RAB23: variants seen among roughly 807,000 people sequenced by gnomAD.
The protein encoded by RAB23 is ras-related protein Rab-23.
A neutral mutation model predicts 30.0 loss-of-function variants in RAB23; 15 were observed. The observed-to-expected ratio is 0.50, with a 90% CI of 0.33 to 0.77. RAB23 has a LOEUF of 0.77. RAB23 is among the 30% of genes least tolerant of loss of function. The pLI is 0.02. For missense variants in RAB23, 243 were observed against 275.4 expected (o/e 0.88, Z 0.83); for synonymous variants, 93 against 94.0 (o/e 0.99, Z 0.06).
At chr6:57,206,625 G>A (rs1197297304) in intron 3 of RAB23, among the ~76,000 whole-genome samples, 1 of 152,082 alleles carries the variant, frequency 6.6e-6, no homozygotes, top group Admixed American at 6.6e-5. Flanking sequence ...GGTTTTGGAA[G>A]GAGAAAAGAG....
chr6:57,212,698 A>T (rs1343964020), intron 1 of RAB23, among the ~76,000 whole-genome samples: 2 of 148,520 alleles, frequency 1.3e-5, no homozygotes, highest in Non-Finnish European at 3.0e-5. Context: ...CCTGGGCACC[A>T]TGTGAGTCCC....
At chr6:57,199,293 G>A (rs60676580) in intron 3 of RAB23, among the ~76,000 whole-genome samples, 468 of 152,318 alleles carry the variant, frequency 3.1e-3, no homozygotes, top group African/African-American at 0.011. Flanking sequence ...CCTTTGGTGG[G>A]CTCCTGAGGC....
chr6:57,200,640 C>T (rs1765220965), intron 3 of RAB23, among the ~76,000 whole-genome samples: 1 of 151,872 alleles, frequency 6.6e-6, no homozygotes, highest in Admixed American at 6.6e-5. Context: ...GTGCTATCAC[C>T]ACCTGCTTCA....
chr6:57,210,861 G>A (rs1217978460), intron 1 of RAB23, among the ~76,000 whole-genome samples: 1 of 152,176 alleles, frequency 6.6e-6, no homozygotes, highest in African/African-American at 2.4e-5. Flanking sequence ...AAAGCACTTA[G>A]CATAGTGAAA....
intron 1 of RAB23, among the ~76,000 whole-genome samples, chr6:57,219,149 A>C (rs1236835527): frequency 1.3e-5 from 2 of 152,256 alleles, no homozygotes; most frequent in Non-Finnish European, 2.9e-5. Context: ...GTCAGAGGAC[A>C]TATGTACAAC....
rs1268411514 is a variant in RAB23, at chr6:57,187,370, C to A, written c.*3091G>T. 6.6e-6 allele frequency: 1 copy of A among 152,108 alleles called. No homozygotes were observed. Among genetic ancestry groups the A allele is most frequent in the East Asian group, 1.9e-4 (1 of 5,184 alleles). 9.4% of individuals were successfully genotyped at this position (152,108 alleles called of 1,614,324 possible). ...TAAATATTTTGTTAGCAAATGAATT[C>A]ATCTGTATGATGAGAGACTTACATG... On this transcript the variant is annotated 3_prime_UTR_variant, in exon 7 of 7. Transcript: ENST00000468148.
intron 3 of RAB23, among the ~76,000 whole-genome samples, chr6:57,197,455 G>GA (rs1337530124): frequency 2.6e-5 from 4 of 152,138 alleles, no homozygotes; most frequent in African/African-American, 9.7e-5. Context: ...AGCAACAAGA[G>GA]AAAATCATCC....
chr6:57,210,550 A>G (rs1765615673), intron 1 of RAB23, 105 bp from the exon 2 acceptor site: 1 of 727,394 alleles, frequency 1.4e-6, no homozygotes, highest in African/African-American at 1.8e-5. Flanking sequence ...ATGTGTTTTC[A>G]TAACTGAGGT....
At chr6:57,203,000 GTTT>G (rs1170559704) in intron 3 of RAB23, among the ~76,000 whole-genome samples, 4 of 82,604 alleles carry the variant, frequency 4.8e-5, no homozygotes, top group Admixed American at 1.5e-4. Flanking sequence ...AAGATAGGCT[GTTT>G]TTTTTTTTTT....
rs540447300 is a variant in RAB23, at chr6:57,208,656, T to A, written c.156-943A>T. On this transcript the variant is annotated intron_variant, in intron 2 of 6. Transcript: ENST00000468148. The stretch of plus-strand genomic sequence containing the variant: ...AAAAAAAAAAAAAAAAAAAGCGATT[T>A]ACCTCCCTGGCTCACTGGTTGCCCT... Among the ~76,000 whole-genome samples the A allele has an allele frequency of 5.1e-3, 766 of 149,902 alleles. 6 individuals are homozygous for A. Among genetic ancestry groups the A allele is most frequent in the African/African-American group, 0.017 (711 of 40,842 alleles).
chr6:57,196,472 G>A lies in RAB23; in HGVS notation c.376C>T (p.Leu126=), dbSNP rs758285349. The change falls in exon 4 of 7, where the codon CTG becomes TTG. Residue 126 remains leucine, a synonymous_variant. Coordinates refer to ENST00000468148, the MANE Select transcript of RAB23 (RefSeq NM_016277.5). Reference sequence around the variant, plus strand: ...TACTTCTTTATACAAGAATCATCCAGAAGATCAATCTTGTTTTGCACAAGT... The same window carrying A: ...TACTTCTTTATACAAGAATCATCCAAAAGATCAATCTTGTTTTGCACAAGT... ...TVLVQNKIDL[L]DDSCIKNEEA... 1.2e-6 allele frequency: 2 copies of A among 1,613,896 alleles called. No individual in the cohort carries two copies. Among genetic ancestry groups the A allele is most frequent in the East Asian group, 4.5e-5 (2 of 44,850 alleles).
intron 6 of RAB23, among the ~76,000 whole-genome samples, chr6:57,191,958 C>T (rs1764857135): frequency 6.6e-6 from 1 of 152,118 alleles, no homozygotes; most frequent in Admixed American, 6.5e-5. Context: ...GCAGTCCTGC[C>T]TCAGCCTCCT....
In RAB23 at chr6:57,190,553, T is replaced by A. The variant is rs1593204039; in HGVS notation, c.622A>T (p.Thr208Ser). The change falls in exon 7 of 7, where the codon ACC (threonine) becomes TCC (serine). Residue 208 changes from threonine (T) to serine (S), a missense_variant. Thr to Ser is a moderately conservative substitution (Grantham distance 58, BLOSUM62 1). Coordinates refer to ENST00000468148, the MANE Select transcript of RAB23 (RefSeq NM_016277.5). The stretch of plus-strand genomic sequence containing the variant: ...TTGATGACATCTCCACCATTGAGGG[T>A]ACCTGAATTCTGACCGGAGTGACTT... ...GGSHSGQNSG[T>S]LNGGDVINLR... 6.2e-7 allele frequency: 1 copy of A among 1,613,830 alleles called. No individual in the cohort carries two copies.
chr6:57,188,305 C>T lies in RAB23; in HGVS notation c.*2156G>A, dbSNP rs2127995131. On this transcript the variant is annotated 3_prime_UTR_variant, in exon 7 of 7. Coordinates refer to ENST00000468148, the MANE Select transcript of RAB23 (RefSeq NM_016277.5). ...ACTAATTATGGTTAGGTTTAAAATACAGCAGTGCAAATTAAAAATTCAAAT... is the reference window on the plus strand; with the variant it reads ...ACTAATTATGGTTAGGTTTAAAATATAGCAGTGCAAATTAAAAATTCAAAT... 6.6e-6 allele frequency: 1 copy of T among 152,220 alleles called. No individual in the cohort carries two copies. The highest frequency in any genetic ancestry group is 2.1e-4 in the South Asian group (1 of 4,830). The allele number at this position is 152,220 out of a possible 1,614,324, so 9.4% of individuals were successfully genotyped here. A position where few individuals can be genotyped will look rare whatever the true frequency, so the allele number is the denominator to read the frequency against.
At chr6:57,200,116 T>C (rs1413218381) in intron 3 of RAB23, among the ~76,000 whole-genome samples, 1 of 151,626 alleles carries the variant, frequency 6.6e-6, no homozygotes. Context: ...ATGAGACAGA[T>C]CATTATTTGC....
intron 1 of RAB23, among the ~76,000 whole-genome samples, 185 bp from the exon 2 acceptor site, chr6:57,210,630 A>G (rs1765617612): frequency 6.6e-6 from 1 of 152,232 alleles, no homozygotes; most frequent in Non-Finnish European, 1.5e-5. Flanking sequence ...TTTTGAATGA[A>G]TCCTCATCAA....
At chr6:57,219,671 A>T (rs1232064874) in intron 1 of RAB23, among the ~76,000 whole-genome samples, 1 of 152,228 alleles carries the variant, frequency 6.6e-6, no homozygotes, top group Non-Finnish European at 1.5e-5. Flanking sequence ...AAATAAAGAC[A>T]ATTGATTTTT....
At chr6:57,197,883 G>A (rs2127999111) in intron 3 of RAB23, among the ~76,000 whole-genome samples, 1 of 152,208 alleles carries the variant, frequency 6.6e-6, no homozygotes, top group South Asian at 2.1e-4. Flanking sequence ...GGACTTACAG[G>A]AGGAGCCTGC....
At chr6:57,207,898 T>C (rs1765506368) in intron 2 of RAB23, among the ~76,000 whole-genome samples, 185 bp from the exon 3 acceptor site, 1 of 152,138 alleles carries the variant, frequency 6.6e-6, no homozygotes, top group South Asian at 2.1e-4. Flanking sequence ...AAGCTGAAAA[T>C]TAGGAGTCAA....
Sources: gnomAD v4.1 joint callset for allele counts (sites outside exome capture counted in the v4.1 genomes callset) on GRCh38, gnomAD v4.1.1 for gene constraint, MANE v1.5 for transcripts, NCBI Gene and HGNC (gene_info 2026-07-23, HGNC 2026-07-21) for gene names.